Variants in SAMD8 observed in about 807,000 individuals in gnomAD.
The protein encoded by SAMD8 is sphingomyelin synthase-related protein 1.
In SAMD8, 20 loss-of-function variants were observed where a neutral mutation model predicts 42.0. The ratio of observed to expected loss-of-function variants is 0.48; its 90% CI spans 0.34 to 0.69. The LOEUF (loss-of-function observed/expected upper bound fraction) is 0.69. Ranked by LOEUF, SAMD8 falls within the 30% of genes least tolerant of loss-of-function variation. SAMD8 has a pLI of 0.01. For synonymous variants in SAMD8, 162 were observed against 173.0 expected (o/e 0.94, Z 0.50); for missense variants, 328 against 511.6 (o/e 0.64, Z 3.46).
At chr10:75,142,186 G>A (rs1002005885) in intron 1 of SAMD8, among the ~76,000 whole-genome samples, 4 of 151,906 alleles carry the variant, frequency 2.6e-5, no homozygotes, top group African/African-American at 9.7e-5. Context: ...GACCTGAGGT[G>A]ATCCGCCTGT....
chr10:75,125,613 C>T (rs2134435921), intron 1 of SAMD8: 2 of 151,816 alleles, frequency 1.3e-5, no homozygotes, highest in East Asian at 3.9e-4. Flanking sequence ...GAGGCCCTGT[C>T]TCAAAAAAAG....
chr10:75,176,251 G>T lies in SAMD8; in HGVS notation c.943+35G>T. Reference sequence around the variant, plus strand: ...TTTTTAGTGCTTCTATGCGTATTAGGTAACTAGCTGCAGTGAAGGCTGTGG... The same window carrying T: ...TTTTTAGTGCTTCTATGCGTATTAGTTAACTAGCTGCAGTGAAGGCTGTGG... On this transcript the variant is annotated intron_variant, in intron 5 of 5. Transcript: ENST00000542569. This position sits in a 1 kb window ranked among gnomAD's most constrained non-coding sequence, Gnocchi z 4.3. The T allele has an allele frequency of 5.0e-6, 8 of 1,614,080 alleles. No individual in the cohort carries two copies. Among genetic ancestry groups the T allele is most frequent in the Non-Finnish European group, 6.8e-6 (8 of 1,179,976 alleles).
At chr10:75,129,487 T>C (rs2134443102) in intron 1 of SAMD8, among the ~76,000 whole-genome samples, 1 of 152,240 alleles carries the variant, frequency 6.6e-6, no homozygotes, top group Admixed American at 6.5e-5. Flanking sequence ...ATCCACCTGC[T>C]TCGGCCTCCC....
At chr10:75,169,442 A>G (rs1381541663) in intron 4 of SAMD8, among the ~76,000 whole-genome samples, 2 of 152,030 alleles carry the variant, frequency 1.3e-5, no homozygotes, top group African/African-American at 4.8e-5. Context: ...AGATCGCACC[A>G]CTGCACTCTA....
chr10:75,119,388 C>G (rs1000641833), intron 1 of SAMD8, among the ~76,000 whole-genome samples: 3 of 152,248 alleles, frequency 2.0e-5, no homozygotes, highest in Non-Finnish European at 4.4e-5. Context: ...AACTCCTGAC[C>G]TCAGGTGACC....
chr10:75,103,934 G>A lies in SAMD8; in HGVS notation c.-16+4206G>A, dbSNP rs79802987. The A allele has an allele frequency of 2.0e-3, 2,697 of 1,317,812 alleles. 45 individuals carry two copies. The African/African-American group carries it at 0.036, about 18-fold the overall frequency. The allele number at this position is 1,317,812 out of a possible 1,614,324, so 81.6% of individuals were successfully genotyped here. ...ACAGTGGCTGAGAGGGGGTGTAGGC[G>A]CCAGGAGGAGCCAGATGGAGTAGCA... On this transcript the variant is annotated intron_variant, in intron 1 of 3. Coordinates refer to the SAMD8 transcript ENST00000447533.
Position 75,169,690 on chromosome 10 carries a change from G to A in SAMD8, c.792+1032G>A, listed in dbSNP as rs145356591. 7.9e-3 allele frequency among the ~76,000 whole-genome samples: 1,203 copies of A among 152,306 alleles called. 13 individuals carry two copies. Among genetic ancestry groups the A allele is most frequent in the African/African-American group, 0.025 (1,057 of 41,552 alleles). Reference sequence around the variant, plus strand: ...GCACTTTGGGAGGCCAAGGCGGGTGGATCACCTGAGGTCAGGAGTTAAAGA... The same window carrying A: ...GCACTTTGGGAGGCCAAGGCGGGTGAATCACCTGAGGTCAGGAGTTAAAGA... On this transcript the variant is annotated intron_variant, in intron 4 of 5. Coordinates refer to ENST00000542569, the MANE Select transcript of SAMD8 (RefSeq NM_001174156.2).
At chr10:75,151,127 C>G in intron 2 of SAMD8, 21 bp downstream of exon 2, 1 of 1,343,446 alleles carries the variant, frequency 7.4e-7, no homozygotes, top group Non-Finnish European at 1.0e-6. Context: ...TTTCTAGTTG[C>G]TAAGTTTGTA....
intron 2 of SAMD8, among the ~76,000 whole-genome samples, chr10:75,154,340 A>G (rs1253158140): frequency 6.6e-6 from 1 of 152,230 alleles, no homozygotes; most frequent in Non-Finnish European, 1.5e-5. Flanking sequence ...CTCCCCTTCT[A>G]TACAGTTTTT....
At chr10:75,169,430 C>T (rs1343845795) in intron 4 of SAMD8, among the ~76,000 whole-genome samples, 7 of 146,804 alleles carry the variant, frequency 4.8e-5, no homozygotes, top group African/African-American at 7.6e-5. Context: ...TGTAGTGAGC[C>T]GAGATCGCAC....
intron 1 of SAMD8, among the ~76,000 whole-genome samples, chr10:75,143,551 G>C (rs1840067955): frequency 6.6e-6 from 1 of 151,582 alleles, no homozygotes; most frequent in Admixed American, 6.6e-5. Context: ...ACGGTTTTAG[G>C]TTGTTGTTTT....
At chr10:75,139,143 A>C (rs549926816) in intron 1 of SAMD8, among the ~76,000 whole-genome samples, 5 of 148,298 alleles carry the variant, frequency 3.4e-5, no homozygotes, top group African/African-American at 1.2e-4. Flanking sequence ...TTTTTTTTGC[A>C]TTTTTAATAC....
At chr10:75,123,717 G>T (rs1279861067) in intron 1 of SAMD8, among the ~76,000 whole-genome samples, 1 of 151,562 alleles carries the variant, frequency 6.6e-6, no homozygotes, top group Admixed American at 6.6e-5. Context: ...TTTTGAGGTG[G>T]AGTCTCACTG....
chr10:75,169,475 C>G (rs1840792677), intron 4 of SAMD8, among the ~76,000 whole-genome samples: 1 of 137,836 alleles, frequency 7.3e-6, no homozygotes, highest in Admixed American at 7.7e-5. Context: ...GAGCAAGACT[C>G]TGTCTCAAAA....
Position 75,150,753 on chromosome 10 carries a change from G to A in SAMD8, c.225G>A (p.Leu75=), listed in dbSNP as rs377212845. 9 of 1,614,184 alleles carry A rather than the reference G, an allele frequency of 5.6e-6. No individual in the cohort carries two copies. The African/African-American group carries it at 9.3e-5, about 17-fold the overall frequency. ...IKRLMLSVRK[L]QKIHIDVLEE... is the part of the protein sequence containing the mutation. The stretch of plus-strand genomic sequence containing the variant: ...GGTTAATGCTCTCAGTCCGAAAATT[G>A]CAGAAAATACATATTGATGTTTTAG... The change falls in exon 2 of 6, where the codon TTG becomes TTA. Residue 75 remains leucine, a synonymous_variant. Transcript: ENST00000542569.
intron 1 of SAMD8, among the ~76,000 whole-genome samples, chr10:75,137,867 G>T (rs778690278): frequency 1.6e-4 from 25 of 152,124 alleles, no homozygotes; most frequent in Admixed American, 3.3e-4. Flanking sequence ...GGTAAAAATG[G>T]TAAATTTTAT....
intron 1 of SAMD8, among the ~76,000 whole-genome samples, chr10:75,149,168 G>A (rs1316072956): frequency 6.6e-6 from 1 of 151,976 alleles, no homozygotes; most frequent in Admixed American, 6.5e-5. Flanking sequence ...AGTTGAGAAA[G>A]TACTTTTGAG....
At position 75,153,772 on chromosome 10, in the gene SAMD8, T is replaced by G. The variant is rs180779795; in HGVS notation, c.578+2666T>G. 1.8e-3 allele frequency among the ~76,000 whole-genome samples: 279 copies of G among 151,968 alleles called. 4 individuals carry two copies. Among genetic ancestry groups the G allele is most frequent in the African/African-American group, 4.9e-3 (201 of 41,442 alleles). On this transcript the variant is annotated intron_variant, in intron 2 of 5. Transcript: ENST00000542569. ...TAAAACTATAGTAAAGAGGTTTTTTTTTTTGTTTTGTTTTTGTTGTTTTGA... is the reference window on the plus strand; with the variant it reads ...TAAAACTATAGTAAAGAGGTTTTTTGTTTTGTTTTGTTTTTGTTGTTTTGA...
At chr10:75,111,831 G>GA in intron 1 of SAMD8, 109 bp downstream of exon 1, 1 of 1,208,260 alleles carries the variant, frequency 8.3e-7, no homozygotes, top group Non-Finnish European at 1.0e-6. Flanking sequence ...CCGCGACCTG[G>GA]AGGGGCCCCG....
Sources: gnomAD v4.1 joint callset for allele counts (sites outside exome capture counted in the v4.1 genomes callset) on GRCh38, gnomAD v4.1.1 for gene constraint, Gnocchi (gnomAD v3.1) non-coding constraint, MANE v1.5 for transcripts, NCBI Gene and HGNC (gene_info 2026-07-23, HGNC 2026-07-21) for gene names.